Variants in NTF3 observed in about 807,000 individuals in gnomAD.
NTF3 encodes the protein neurotrophin 3.
NTF3 carries 8 observed loss-of-function variants against 26.3 expected under a neutral mutation model. The ratio of observed to expected loss-of-function variants is 0.30; its 90% confidence interval spans 0.18 to 0.55. The LOEUF (loss-of-function observed/expected upper bound fraction) is 0.55. Ranked by LOEUF, NTF3 falls within the 20% of genes least tolerant of loss-of-function variation. The pLI, the probability that NTF3 is intolerant of heterozygous loss-of-function variation, is 0.93. For synonymous variants in NTF3, 154 were observed against 145.5 expected (o/e 1.06, Z -0.42); for missense variants, 276 against 352.9 (o/e 0.78, Z 1.75).
chr12:5,469,657 C>G (rs1940639714), intron 1 of NTF3, among the ~76,000 whole-genome samples: 1 of 152,176 alleles, frequency 6.6e-6, no homozygotes, highest in South Asian at 2.1e-4. Flanking sequence ...AAACACTGAC[C>G]AAACCTTCCT....
At chr12:5,431,268 T>C (rs1017057880), upstream of NTF3, among the ~76,000 whole-genome samples, 1 of 152,070 alleles carries the variant, frequency 6.6e-6, no homozygotes, top group African/African-American at 2.4e-5. Context: ...GGCGAGTGAT[T>C]AGCTGCAGGG....
chr12:5,453,658 C>T (rs1591595709), intron 1 of NTF3, among the ~76,000 whole-genome samples: 1 of 152,200 alleles, frequency 6.6e-6, no homozygotes, highest in Admixed American at 6.5e-5. Context: ...ATTTTCTTCT[C>T]GCATTTGCCT....
At chr12:5,481,796 C>T (rs1335663614) in intron 1 of NTF3, among the ~76,000 whole-genome samples, 2 of 146,004 alleles carry the variant, frequency 1.4e-5, no homozygotes, top group African/African-American at 5.0e-5. Context: ...GACATATACA[C>T]CACACTCATA....
chr12:5,465,277 T>A (rs1331687147), intron 1 of NTF3, among the ~76,000 whole-genome samples: 1 of 152,232 alleles, frequency 6.6e-6, no homozygotes, highest in Admixed American at 6.5e-5. Flanking sequence ...TAGAGAACTT[T>A]GGCTGCAGGC....
At chr12:5,467,999 C>G (rs899145649) in intron 1 of NTF3, among the ~76,000 whole-genome samples, 10 of 152,200 alleles carry the variant, frequency 6.6e-5, no homozygotes, top group African/African-American at 1.9e-4. Flanking sequence ...CTCCACCCCC[C>G]ACATTTTCCC....
intron 1 of NTF3, among the ~76,000 whole-genome samples, chr12:5,448,246 T>C (rs1007558469): frequency 9.9e-5 from 15 of 152,232 alleles, no homozygotes; most frequent in African/African-American, 3.4e-4. Context: ...TTTGTAGACA[T>C]GGTGCTTTAT....
intron 1 of NTF3, among the ~76,000 whole-genome samples, chr12:5,459,693 C>T (rs1313943884): frequency 4.6e-5 from 7 of 152,194 alleles, no homozygotes; most frequent in Non-Finnish European, 7.3e-5. Flanking sequence ...GGTGCTGTGG[C>T]TGTGGTTTCC....
rs1312398126 is a variant in NTF3, at chr12:5,432,354, C to A, written c.18+12C>A. 2 of 1,599,264 alleles carry A rather than the reference C, an allele frequency of 1.3e-6. No individual in the cohort carries two copies. The highest frequency in any genetic ancestry group is 1.3e-5 in the African/African-American group (1 of 74,324). The stretch of plus-strand genomic sequence containing the variant: ...TTACTTTTGCCACGGTAAGGGGAGG[C>A]GGCGGGCACCTTGGGTGGGCAGGTT... On this transcript the variant is annotated intron_variant, in intron 1 of 1. Coordinates refer to ENST00000423158, the MANE Select transcript of NTF3 (RefSeq NM_001102654.2).
chr12:5,493,035 G>A (rs781408111), intron 1 of NTF3, among the ~76,000 whole-genome samples: 4 of 152,192 alleles, frequency 2.6e-5, no homozygotes, highest in Non-Finnish European at 5.9e-5. Context: ...TGAGGTGGCA[G>A]CGATGGTGAT....
At chr12:5,481,519 CACACACACAG>C (rs1940797085) in intron 1 of NTF3, among the ~76,000 whole-genome samples, 1 of 11,732 alleles carries the variant, frequency 8.5e-5, no homozygotes, top group Non-Finnish European at 2.1e-4. Context: ...CACACACATG[CACACACACAG>C]ACACATTCAC....
intron 1 of NTF3, among the ~76,000 whole-genome samples, chr12:5,480,472 T>TA (rs1940775520): frequency 6.6e-6 from 1 of 152,060 alleles, no homozygotes; most frequent in Non-Finnish European, 1.5e-5. Context: ...CCCCAGTGCT[T>TA]AAAGGAGGGT....
chr12:5,484,249 C>T (rs574313834), intron 1 of NTF3, among the ~76,000 whole-genome samples: 2 of 152,242 alleles, frequency 1.3e-5, no homozygotes, highest in Admixed American at 6.5e-5. Flanking sequence ...TTCCATTGTA[C>T]CACAATCCTA....
In NTF3 at chr12:5,452,288, G is replaced by A. The variant is rs547216161; in HGVS notation, c.18+19946G>A. On this transcript the variant is annotated intron_variant, in intron 1 of 1. Transcript: ENST00000423158. ...TTTTTGTATTTTTAGTAGAGACGGG[G>A]TTTCACCATGTCAGCCCAGGAAGGT... Among the ~76,000 whole-genome samples the A allele has an allele frequency of 3.3e-5, 5 of 151,472 alleles. No individual in the cohort carries two copies. The East Asian group carries it at 1.0e-3, about 30-fold the overall frequency.
At chr12:5,431,970 G>C (rs943693031), upstream of NTF3, 2,261 of 150,470 alleles carry the variant, frequency 0.015, 57 homozygotes, top group African/African-American at 0.05. Context: ...GCGGGGGGGG[G>C]GCTCTGGGGC....
intron 1 of NTF3, among the ~76,000 whole-genome samples, chr12:5,448,189 T>C (rs1267212620): frequency 6.6e-6 from 1 of 152,258 alleles, no homozygotes; most frequent in South Asian, 2.1e-4. Context: ...CTGCCTTTTT[T>C]GTTTACTTCA....
chr12:5,480,448 C>G (rs963319984), intron 1 of NTF3, among the ~76,000 whole-genome samples: 3 of 152,164 alleles, frequency 2.0e-5, no homozygotes, highest in Non-Finnish European at 4.4e-5. Context: ...TCAGTCAGAG[C>G]CCTGCTCAAT....
chr12:5,484,672 G>A (rs1940846345), intron 1 of NTF3, among the ~76,000 whole-genome samples: 1 of 152,170 alleles, frequency 6.6e-6, no homozygotes, highest in Non-Finnish European at 1.5e-5. Context: ...ATGGCATTTG[G>A]AAACGTGCGG....
intron 1 of NTF3, among the ~76,000 whole-genome samples, chr12:5,442,992 C>T (rs1041999660): frequency 3.3e-5 from 5 of 152,086 alleles, no homozygotes; most frequent in African/African-American, 1.2e-4. Context: ...GTGGTAGGGA[C>T]TACAGAGGTT....
intron 1 of NTF3, among the ~76,000 whole-genome samples, chr12:5,461,945 G>T (rs1273278658): frequency 1.3e-5 from 2 of 152,208 alleles, no homozygotes; most frequent in African/African-American, 4.8e-5. Flanking sequence ...AATGTCCAAG[G>T]GTTATGTGTA....
Sources: allele counts gnomAD v4.1 joint callset (sites outside exome capture counted in the v4.1 genomes callset), GRCh38; gene constraint gnomAD v4.1.1; transcripts MANE v1.5; gene names NCBI Gene and HGNC (gene_info 2026-07-23, HGNC 2026-07-21).